The following POMGNT1 variants were observed in gnomAD, a reference collection of about 807,000 sequenced individuals.
POMGNT1 encodes the protein protein O-linked mannose N-acetylglucosaminyltransferase 1 (beta 1,2-).
POMGNT1 carries 67 observed loss-of-function variants against 95.6 expected under a neutral mutation model. The ratio of observed to expected loss-of-function variants is 0.70; its 90% confidence interval spans 0.58 to 0.86. The LOEUF (loss-of-function observed/expected upper bound fraction) is 0.86, where lower values mean the gene tolerates loss of function less well. Among genes scored for constraint, POMGNT1 ranks in the 40% least tolerant of loss-of-function variants. The pLI, the probability that POMGNT1 is intolerant of heterozygous loss-of-function variation, is 0.00. For missense variants in POMGNT1, 719 were observed against 855.2 expected (o/e 0.84, Z 1.99); for synonymous variants, 298 against 317.9 (o/e 0.94, Z 0.66).
intron 17 of POMGNT1, chr1:46,191,255 C>T: frequency 4.1e-6 from 1 of 242,184 alleles, no homozygotes; most frequent in Non-Finnish European, 8.2e-6. Context: ...TCTGAGGGAC[C>T]TCTGGCTTCT....
chr1:46,201,577 T>G (rs1430543611), upstream of POMGNT1, among the ~76,000 whole-genome samples: 1 of 151,076 alleles, frequency 6.6e-6, no homozygotes, highest in Non-Finnish European at 1.5e-5. Flanking sequence ...CACGTGCCTG[T>G]AATCCCAGCT....
chr1:46,202,749 G>C (rs1359067437), upstream of POMGNT1, among the ~76,000 whole-genome samples: 1 of 133,120 alleles, frequency 7.5e-6, no homozygotes, highest in Non-Finnish European at 1.6e-5. Flanking sequence ...CCCCACCCCA[G>C]ATTTACAAAA....
At chr1:46,189,794 T>C (rs1657606027) in intron 20 of POMGNT1, 60 bp downstream of exon 20, 1 of 1,608,318 alleles carries the variant, frequency 6.2e-7, no homozygotes, top group Admixed American at 1.7e-5. Context: ...TCCCTGGATC[T>C]TGGGGCAGTA....
upstream of POMGNT1, among the ~76,000 whole-genome samples, chr1:46,201,725 A>G (rs1287411169): frequency 6.6e-6 from 1 of 151,786 alleles, no homozygotes; most frequent in Non-Finnish European, 1.5e-5. Flanking sequence ...GAAAAAAGAA[A>G]GAAAAGAAAA....
Position 46,189,496 on chromosome 1 carries a change from G to C in POMGNT1, c.1857C>G (p.Asn619Lys). Reference sequence around the variant, plus strand: ...CCGGGACCCCCACCATCAGGAAGTGGTTCTTCTTCCGAAACAATCTCCACA... The same window carrying C: ...CCGGGACCCCCACCATCAGGAAGTGCTTCTTCTTCCGAAACAATCTCCACA... Reference protein sequence around the residue: ...RGLWRLFRKKNHFLMVGVPAS... With the variant: ...RGLWRLFRKKKHFLMVGVPAS... Residue 619 changes from asparagine (N) to lysine (K), a missense_variant, in exon 21 of 22, where the codon AAC (asparagine) becomes AAG (lysine). By Grantham distance (94) the Asn-to-Lys change is moderately conservative. Transcript: ENST00000371984. 6.2e-7 allele frequency: 1 copy of C among 1,613,676 alleles called. No individual in the cohort carries two copies. Among genetic ancestry groups the C allele is most frequent in the African/African-American group, 1.3e-5 (1 of 75,048 alleles).
At chr1:46,192,000 A>G (rs1557671262) in intron 17 of POMGNT1, 98 bp downstream of exon 17, 5 of 1,477,744 alleles carry the variant, frequency 3.4e-6, no homozygotes, top group Non-Finnish European at 4.7e-6. Flanking sequence ...CCAAGGTTAC[A>G]TGGCTAGCAA....
intron 1 of POMGNT1, among the ~76,000 whole-genome samples, chr1:46,215,789 T>G (rs970968718): frequency 6.6e-6 from 1 of 151,964 alleles, no homozygotes; most frequent in African/African-American, 2.4e-5. Context: ...TCCAGCTACT[T>G]AGGAGGCTGA....
intron 20 of POMGNT1, 116 bp downstream of exon 20, chr1:46,189,738 G>C: frequency 1.3e-6 from 2 of 1,560,358 alleles, no homozygotes; most frequent in Non-Finnish European, 1.7e-6. Flanking sequence ...GGTGTTCTAA[G>C]AGTATAAAGA....
chr1:46,219,531 T>C (rs781545933), intron 1 of POMGNT1, among the ~76,000 whole-genome samples: 1 of 152,148 alleles, frequency 6.6e-6, no homozygotes, highest in African/African-American at 2.4e-5. Context: ...AGAGCTGAAA[T>C]GTTAGGCAGC....
In POMGNT1 at chr1:46,196,993, T is replaced by C. The variant is rs753063524; in HGVS notation, c.212A>G (p.Asp71Gly). The change falls in exon 3 of 22, where the codon GAC (aspartate) becomes GGC (glycine). Residue 71 changes from aspartate (D) to glycine (G), a missense_variant. Physicochemically the swap from Asp to Gly is moderately conservative, Grantham distance 94. Transcript: ENST00000371984. This position sits in a 1 kb window ranked among gnomAD's most constrained non-coding sequence, Gnocchi z 4.4. ...TRRAISEANE[D>G]PEPEQDYDEA... Reference sequence around the variant, plus strand: ...ACCATAGTCTTGCTCTGGCTCTGGGTCTTCATTGGCTTCACTGATGGCTCG... The same window carrying C: ...ACCATAGTCTTGCTCTGGCTCTGGGCCTTCATTGGCTTCACTGATGGCTCG... 1.5e-5 allele frequency: 24 copies of C among 1,614,102 alleles called. No homozygotes were observed. The highest frequency in any genetic ancestry group is 2.7e-5 in the African/African-American group (2 of 74,990).
chr1:46,195,779 G>GT, intron 6 of POMGNT1, 32 bp downstream of exon 6: 1 of 1,548,998 alleles, frequency 6.5e-7, no homozygotes, highest in Non-Finnish European at 8.8e-7. Flanking sequence ...GAGCTAGGGA[G>GT]TAGGGGTCAG....
At chr1:46,203,663 A>G (rs1658620649) in intron 1 of POMGNT1, 1 of 1,576,650 alleles carries the variant, frequency 6.3e-7, no homozygotes, top group Non-Finnish European at 8.6e-7. Context: ...ACGAGTCCCT[A>G]GTGTAGGGCC....
chr1:46,197,614 T>C (rs1658347485), intron 2 of POMGNT1, 88 bp downstream of exon 2: 1 of 1,591,320 alleles, frequency 6.3e-7, no homozygotes, highest in Non-Finnish European at 8.6e-7. Flanking sequence ...CCACTGGGGC[T>C]GGCCAACAGG....
At chr1:46,210,685 G>A (rs1658865154) in intron 1 of POMGNT1, among the ~76,000 whole-genome samples, 1 of 152,194 alleles carries the variant, frequency 6.6e-6, no homozygotes, top group South Asian at 2.1e-4. Flanking sequence ...CAAGGCATAC[G>A]GGAAGGGGTG....
intron 1 of POMGNT1, among the ~76,000 whole-genome samples, chr1:46,217,647 AG>A (rs777987498): frequency 1.3e-5 from 2 of 152,132 alleles, no homozygotes; most frequent in Non-Finnish European, 2.9e-5. Flanking sequence ...ATTTGAGGTC[AG>A]GAGTTTGAGA....
Position 46,197,724 on chromosome 1 carries a change from C to G in POMGNT1, c.98G>C (p.Arg33Pro). 6.2e-7 allele frequency: 1 copy of G among 1,614,106 alleles called. No individual in the cohort carries two copies. Among genetic ancestry groups the G allele is most frequent in the Non-Finnish European group, 8.5e-7 (1 of 1,179,990 alleles). The change falls in exon 2 of 22, where the codon CGG (arginine) becomes CCG (proline). Residue 33 changes from arginine (R) to proline (P), a missense_variant. Coordinates refer to ENST00000371984, the MANE Select transcript of POMGNT1 (RefSeq NM_017739.4). ...TACCTGACAGAATCTCCGCAGGGCC[C>G]GCTGGTTTGTCAGTTTATACTTCCA... ...LTWKYKLTNQ[R>P]ALRRFCQTGA...
intron 19 of POMGNT1, 108 bp from the exon 20 acceptor site, chr1:46,190,097 C>CAT: frequency 2.5e-6 from 2 of 807,240 alleles, no homozygotes; most frequent in South Asian, 2.0e-5. Flanking sequence ...CCTTGAAGTT[C>CAT]TTTTTTTTTT....
At chr1:46,212,209 T>C (rs1278377967) in intron 1 of POMGNT1, among the ~76,000 whole-genome samples, 1 of 152,234 alleles carries the variant, frequency 6.6e-6, no homozygotes, top group East Asian at 1.9e-4. Context: ...GACCTGTATA[T>C]GTAAATACAC....
chr1:46,193,605 A>G lies in POMGNT1; in HGVS notation c.985T>C (p.Ser329Pro). Residue 329 changes from serine (S) to proline (P), a missense_variant, in exon 11 of 22, where the codon TCT becomes CCT. Physicochemically the swap from Ser to Pro is moderately conservative, Grantham distance 74. Around this residue, in one of 5 missense-constraint regions of POMGNT1, gnomAD observed 466 missense variants for 517.4 expected, o/e 0.90. Coordinates refer to ENST00000371984, the MANE Select transcript of POMGNT1 (RefSeq NM_017739.4). ...LRSLLSAQGV[S>P]PQMITVFIDG... ...ATGAAAACTGTTATCATCTGAGGAG[A>G]CACCCCCTGGGCTGAAAGCAGAGAG... is the stretch of plus-strand genomic sequence containing the variant. The G allele has an allele frequency of 6.2e-7, 1 of 1,614,168 alleles. No homozygotes were observed. The highest frequency in any genetic ancestry group is 8.5e-7 in the Non-Finnish European group (1 of 1,180,020).
Sources: allele counts gnomAD v4.1 joint callset (sites outside exome capture counted in the v4.1 genomes callset), GRCh38; gene constraint gnomAD v4.1.1; regional missense constraint gnomAD v4.1.1; non-coding constraint Gnocchi (gnomAD v3.1); transcripts MANE v1.5; gene names NCBI Gene and HGNC (gene_info 2026-07-23, HGNC 2026-07-21).